The following PIBF1 variants were observed in gnomAD, a reference collection of about 807,000 sequenced individuals.
PIBF1 encodes the protein progesterone immunomodulatory binding factor 1.
Under a neutral mutation model 112.5 loss-of-function variants are expected in PIBF1, and 90 were observed. The ratio of observed to expected loss-of-function variants is 0.80; its 90% CI spans 0.67 to 0.95. PIBF1 has a LOEUF of 0.95. Among genes scored for constraint, PIBF1 ranks in the 40% least tolerant of loss-of-function variants. The pLI, the probability that PIBF1 is intolerant of heterozygous loss-of-function variation, is 0.00. For synonymous variants in PIBF1, 301 were observed against 288.6 expected, an observed-to-expected ratio of 1.04 and a Z score of -0.44; for missense variants, 915 against 852.3, an observed-to-expected ratio of 1.07 and a Z score of -0.92.
intron 12 of PIBF1, among the ~76,000 whole-genome samples, chr13:72,909,272 G>C (rs916878080): frequency 5.3e-5 from 8 of 152,072 alleles, no homozygotes; most frequent in Non-Finnish European, 1.2e-4. Flanking sequence ...TCAGGAACTG[G>C]GGATTAGGAG....
chr13:72,917,785 T>C (rs2041153329), intron 13 of PIBF1, among the ~76,000 whole-genome samples: 1 of 152,222 alleles, frequency 6.6e-6, no homozygotes, highest in Non-Finnish European at 1.5e-5. Flanking sequence ...TTTTTTCTTG[T>C]CATTATTCCT....
rs571786855 is a variant in PIBF1 at position 72,831,310 on chromosome 13, T to C, written c.1097+3396T>C. 2.6e-5 allele frequency among the ~76,000 whole-genome samples: 4 copies of C among 152,330 alleles called. No homozygotes were observed. In the South Asian group the frequency reaches 8.3e-4, roughly 32 times the overall value. ...ATTATTTCTTGTCTTCTGCTAGATT[T>C]TGAATTTGTTTGCTGTTGCTTCTCT... is the stretch of plus-strand genomic sequence containing the variant. On this transcript the variant is annotated intron_variant, in intron 8 of 17. Transcript: ENST00000326291.
At chr13:72,982,504 A>G (rs914144685) in intron 16 of PIBF1, among the ~76,000 whole-genome samples, 2 of 152,188 alleles carry the variant, frequency 1.3e-5, no homozygotes, top group South Asian at 4.1e-4. Flanking sequence ...CTCAACAAAG[A>G]AAAACATACC....
At chr13:72,863,221 AACAGAG>A (rs2038771916) in intron 10 of PIBF1, among the ~76,000 whole-genome samples, 1 of 152,214 alleles carries the variant, frequency 6.6e-6, no homozygotes, top group Non-Finnish European at 1.5e-5. Flanking sequence ...GAAGTAAAAA[AACAGAG>A]ACCATAAATT....
At chr13:72,901,396 A>C (rs937428480) in intron 11 of PIBF1, among the ~76,000 whole-genome samples, 1 of 152,112 alleles carries the variant, frequency 6.6e-6, no homozygotes, top group African/African-American at 2.4e-5. Context: ...TCAAAGAATC[A>C]AAAAGCAGTA....
chr13:73,007,299 GTTTTTT>G (rs200537484), intron 17 of PIBF1, among the ~76,000 whole-genome samples: 1 of 139,778 alleles, frequency 7.2e-6, no homozygotes, highest in African/African-American at 2.6e-5. Context: ...TTTTGTTTTT[GTTTTTT>G]TTTTTTTTTG....
At chr13:72,963,043 T>A (rs1454498771) in intron 14 of PIBF1, among the ~76,000 whole-genome samples, 1 of 152,200 alleles carries the variant, frequency 6.6e-6, no homozygotes, top group Non-Finnish European at 1.5e-5. Flanking sequence ...GAAAAGCCAG[T>A]CTTTTCAACA....
intron 17 of PIBF1, among the ~76,000 whole-genome samples, chr13:73,015,211 C>T (rs1169326368): frequency 2.6e-5 from 4 of 152,144 alleles, no homozygotes; most frequent in Admixed American, 2.0e-4. Flanking sequence ...AGGCTAGTCT[C>T]GAACTCCTGG....
intron 6 of PIBF1, among the ~76,000 whole-genome samples, chr13:72,823,265 G>A (rs187817875): frequency 6.6e-6 from 1 of 152,192 alleles, no homozygotes; most frequent in African/African-American, 2.4e-5. Flanking sequence ...TCGGGGCCAC[G>A]GATGATCATT....
At chr13:72,782,679 G>A (rs1336112894) in intron 1 of PIBF1, among the ~76,000 whole-genome samples, 2 of 152,156 alleles carry the variant, frequency 1.3e-5, no homozygotes, top group African/African-American at 4.8e-5. Flanking sequence ...ATTCTTATGA[G>A]AGAGTTAGAA....
chr13:72,876,131 A>ATT (rs1379154834), intron 10 of PIBF1, among the ~76,000 whole-genome samples: 3 of 27,948 alleles, frequency 1.1e-4, no homozygotes, highest in Non-Finnish European at 1.4e-4. Flanking sequence ...CTGTGTTCAG[A>ATT]TTCTTTTTTT....
intron 5 of PIBF1, among the ~76,000 whole-genome samples, chr13:72,818,515 C>G (rs574747003): frequency 1.3e-5 from 2 of 152,180 alleles, no homozygotes; most frequent in East Asian, 3.9e-4. Flanking sequence ...GTTACCAATT[C>G]ACTTTCATCC....
chr13:72,904,595 C>G (rs74658836), intron 11 of PIBF1, among the ~76,000 whole-genome samples: 1 of 151,242 alleles, frequency 6.6e-6, no homozygotes, highest in East Asian at 1.9e-4. Context: ...CGCACGCTAC[C>G]ACACCCAGCT....
intron 9 of PIBF1, among the ~76,000 whole-genome samples, chr13:72,850,741 T>C (rs1434485684): frequency 1.4e-5 from 2 of 147,976 alleles, no homozygotes; most frequent in Admixed American, 1.4e-4. Flanking sequence ...ATGAAAAATA[T>C]ATAAATGTTT....
chr13:72,787,565 G>A (rs962735758), intron 2 of PIBF1, among the ~76,000 whole-genome samples: 3 of 152,100 alleles, frequency 2.0e-5, no homozygotes, highest in East Asian at 1.9e-4. Flanking sequence ...AACACCACGC[G>A]GTATTTGATT....
intron 14 of PIBF1, among the ~76,000 whole-genome samples, chr13:72,943,286 A>G (rs1204304548): frequency 2.0e-5 from 3 of 152,194 alleles, no homozygotes; most frequent in African/African-American, 7.2e-5. Flanking sequence ...GTAGTGTTTA[A>G]TTGCACAATA....
At chr13:72,861,932 A>T (rs113284620) in intron 10 of PIBF1, among the ~76,000 whole-genome samples, 2,273 of 152,298 alleles carry the variant, frequency 0.015, 62 homozygotes, top group African/African-American at 0.051. Context: ...GAGAAATAGT[A>T]TTTAGGGTCA....
chr13:72,925,687 G>A lies in PIBF1; in HGVS notation c.1731-5478G>A, dbSNP rs563868592. Reference sequence around the variant, plus strand: ...CTCCTAAGTAGCTGGGATTACAGGCGCCTGCCACCACACCCAGCTAATTTT... The same window carrying A: ...CTCCTAAGTAGCTGGGATTACAGGCACCTGCCACCACACCCAGCTAATTTT... On this transcript the variant is annotated intron_variant, in intron 13 of 17. Coordinates refer to ENST00000326291, the MANE Select transcript of PIBF1 (RefSeq NM_006346.4). Among the ~76,000 whole-genome samples the A allele has an allele frequency of 4.4e-4, 67 of 151,326 alleles. 1 individual carries two copies. In the South Asian group the frequency reaches 0.013, roughly 29 times the overall value.
intron 14 of PIBF1, among the ~76,000 whole-genome samples, chr13:72,947,405 C>T (rs1026548812): frequency 4.6e-5 from 7 of 152,150 alleles, no homozygotes; most frequent in Admixed American, 4.6e-4. Flanking sequence ...GGCTCCAGGC[C>T]TGTGATTGGA....
Sources: allele counts gnomAD v4.1 joint callset (sites outside exome capture counted in the v4.1 genomes callset), GRCh38; gene constraint gnomAD v4.1.1; transcripts MANE v1.5; gene names NCBI Gene and HGNC (gene_info 2026-07-23, HGNC 2026-07-21).